Variants in FSTL4 observed in about 807,000 individuals in gnomAD.
The protein encoded by FSTL4 is follistatin-related protein 4.
In FSTL4, 28 loss-of-function variants were observed where a neutral mutation model predicts 78.2. The ratio of observed to expected loss-of-function variants is 0.36; its 90% CI spans 0.27 to 0.49. The LOEUF is 0.49. Among genes scored for constraint, FSTL4 ranks in the 20% least tolerant of loss-of-function variants. The pLI, the probability that FSTL4 is intolerant of heterozygous loss-of-function variation, is 0.98. For missense variants in FSTL4, 922 were observed against 1,084.9 expected (o/e 0.85, Z 2.11); for synonymous variants, 422 against 440.5 (o/e 0.96, Z 0.53).
chr5:133,675,841 G>T, the FSTL4 span, among the ~76,000 whole-genome samples: 1 of 152,196 alleles, frequency 6.6e-6, no homozygotes, highest in Non-Finnish European at 1.5e-5. Context: ...TTGCAGAAGG[G>T]CAGGAAGGAG....
At chr5:133,409,572 GC>G (rs1756437974) in intron 3 of FSTL4, among the ~76,000 whole-genome samples, 1 of 152,222 alleles carries the variant, frequency 6.6e-6, no homozygotes, top group Non-Finnish European at 1.5e-5. Context: ...GGAACAGCAG[GC>G]CCCGAGGCAG....
At chr5:133,666,777 T>C in the FSTL4 span, among the ~76,000 whole-genome samples, 7 of 152,200 alleles carry the variant, frequency 4.6e-5, no homozygotes. Flanking sequence ...AAATATTTAA[T>C]TGGACAATGA....
At chr5:133,840,777 TATAAG>T in the FSTL4 span, among the ~76,000 whole-genome samples, 1 of 152,186 alleles carries the variant, frequency 6.6e-6, no homozygotes, top group African/African-American at 2.4e-5. Context: ...AGAACTGAAG[TATAAG>T]AGGAGATAAA....
intron 4 of FSTL4, chr5:133,334,039 CAGG>C (rs1412109690): frequency 6.6e-6 from 1 of 152,294 alleles, no homozygotes; most frequent in Non-Finnish European, 1.5e-5. Flanking sequence ...TGAGTGCCAA[CAGG>C]AGATCTTTGT....
chr5:133,514,548 A>G (rs1444219414), intron 3 of FSTL4, among the ~76,000 whole-genome samples: 1 of 152,212 alleles, frequency 6.6e-6, no homozygotes, highest in Non-Finnish European at 1.5e-5. Context: ...CACTACACAC[A>G]GACAATTTCA....
At chr5:133,515,530 A>G (rs1758835173) in intron 3 of FSTL4, among the ~76,000 whole-genome samples, 1 of 152,236 alleles carries the variant, frequency 6.6e-6, no homozygotes, top group Non-Finnish European at 1.5e-5. Flanking sequence ...TACAGGAAAC[A>G]AAGAAAAAGA....
At position 133,491,085 on chromosome 5, in the gene FSTL4, A is replaced by G. The variant is rs115608479; in HGVS notation, c.160+76101T>C. Among the ~76,000 whole-genome samples, 249 of 152,342 alleles carry G rather than the reference A, an allele frequency of 1.6e-3. 1 individual carries two copies. Among genetic ancestry groups the G allele is most frequent in the Non-Finnish European group, 2.4e-3 (161 of 68,034 alleles). On this transcript the variant is annotated intron_variant, in intron 3 of 15. Coordinates refer to ENST00000265342, the MANE Select transcript of FSTL4 (RefSeq NM_015082.2). ...GTTTACCCACATAACAAACCTGCAC[A>G]TGTACCTCTGAACCTAAAATAAAAA...
At chr5:133,229,305 C>T (rs1428788152) in intron 8 of FSTL4, among the ~76,000 whole-genome samples, 4 of 152,130 alleles carry the variant, frequency 2.6e-5, no homozygotes, top group Middle Eastern at 3.4e-3. Flanking sequence ...GCGGATCGCT[C>T]GAGTCCAGGA....
intron 6 of FSTL4, among the ~76,000 whole-genome samples, chr5:133,302,707 G>T (rs565999125): frequency 6.6e-6 from 1 of 152,336 alleles, no homozygotes; most frequent in South Asian, 2.1e-4. Context: ...TCAGCCATCA[G>T]CTCACAGACC....
chr5:133,796,400 C>T, the FSTL4 span, among the ~76,000 whole-genome samples: 2 of 152,196 alleles, frequency 1.3e-5, no homozygotes, highest in African/African-American at 2.4e-5. Context: ...GTGACAGCTT[C>T]CTGTATCCCG....
intron 6 of FSTL4, among the ~76,000 whole-genome samples, chr5:133,291,004 C>T (rs1367486477): frequency 2.6e-5 from 4 of 152,268 alleles, no homozygotes; most frequent in East Asian, 1.9e-4. Context: ...CTAGAGCCTC[C>T]GTCTCCGACT....
At chr5:133,795,728 A>G in the FSTL4 span, among the ~76,000 whole-genome samples, 7 of 152,158 alleles carry the variant, frequency 4.6e-5, no homozygotes, top group Non-Finnish European at 1.0e-4. Context: ...TTTCTAAGGA[A>G]GTTCTGGAGA....
chr5:133,657,416 A>G, the FSTL4 span, among the ~76,000 whole-genome samples: 2 of 152,236 alleles, frequency 1.3e-5, no homozygotes, highest in Admixed American at 1.3e-4. Context: ...TGAGGTGGAC[A>G]GGGACTTCTT....
rs752623256 is a variant in FSTL4, at chr5:133,210,337, G to T, written c.1609-39C>A. ...AGTGACATGTTGTGAAAGCTGACAT[G>T]ATGGTCATTTCTGGGCGTTGTATGC... On this transcript the variant is annotated intron_variant, in intron 13 of 15. Coordinates refer to ENST00000265342, the MANE Select transcript of FSTL4 (RefSeq NM_015082.2). 10 of 1,204,934 alleles carry T rather than the reference G, an allele frequency of 8.3e-6. No homozygotes were observed. In the African/African-American group the frequency reaches 1.3e-4, roughly 16 times the overall value. The allele number at this position is 1,204,934 out of a possible 1,614,324, so 74.6% of individuals were successfully genotyped here. A position where few individuals can be genotyped will look rare whatever the true frequency, so the allele number is the denominator to read the frequency against.
upstream of FSTL4, among the ~76,000 whole-genome samples, chr5:133,615,521 C>A (rs772989131): frequency 6.6e-6 from 1 of 152,160 alleles, no homozygotes; most frequent in African/African-American, 2.4e-5. Context: ...GGGAGGCAGT[C>A]ATACTAAACG....
chr5:133,454,463 A>C (rs1376228669), intron 3 of FSTL4, among the ~76,000 whole-genome samples: 1 of 152,222 alleles, frequency 6.6e-6, no homozygotes, highest in Non-Finnish European at 1.5e-5. Flanking sequence ...CTCCACACAC[A>C]ACTTCGGCAT....
At chr5:133,401,029 G>C in intron 3 of FSTL4, 43 bp from the exon 4 acceptor site, 1 of 1,607,286 alleles carries the variant, frequency 6.2e-7, no homozygotes, top group Non-Finnish European at 8.5e-7. Context: ...TAAACACTCA[G>C]AGGGTCTGGG....
intron 3 of FSTL4, among the ~76,000 whole-genome samples, chr5:133,530,988 C>G (rs914438152): frequency 1.3e-5 from 2 of 152,214 alleles, no homozygotes; most frequent in African/African-American, 2.4e-5. Flanking sequence ...TGTGCCCAGA[C>G]TGGACATGGG....
At chr5:133,757,933 G>A in the FSTL4 span, among the ~76,000 whole-genome samples, 1 of 152,210 alleles carries the variant, frequency 6.6e-6, no homozygotes, top group East Asian at 1.9e-4. Context: ...TATGGAATGA[G>A]AGCAGCCTGG....
Sources: allele counts gnomAD v4.1 joint callset (sites outside exome capture counted in the v4.1 genomes callset), GRCh38; gene constraint gnomAD v4.1.1; transcripts MANE v1.5; gene names NCBI Gene and HGNC (gene_info 2026-07-23, HGNC 2026-07-21).